Variants in PRDM16 observed in about 807,000 individuals in gnomAD.
PRDM16 encodes histone-lysine N-methyltransferase PRDM16.
PRDM16 carries 23 observed loss-of-function variants against 110.6 expected under a neutral mutation model. That is an observed-to-expected ratio of 0.21 (90% CI 0.15 to 0.29). The LOEUF (loss-of-function observed/expected upper bound fraction) is 0.29, where lower values mean the gene tolerates loss of function less well. PRDM16 is among the 10% of genes least tolerant of loss of function. PRDM16 has a pLI of 1.00. For missense variants in PRDM16, 1,615 were observed against 1,794.3 expected (o/e 0.90, Z 1.81); for synonymous variants, 799 against 781.8 (o/e 1.02, Z -0.37).
intron 1 of PRDM16, among the ~76,000 whole-genome samples, chr1:3,136,508 C>T (rs959485590): frequency 5.9e-5 from 9 of 152,174 alleles, no homozygotes; most frequent in African/African-American, 1.7e-4. Flanking sequence ...GGGGAGAAGC[C>T]GGTTTCTAGT....
At chr1:3,326,246 A>C (rs1422681814) in intron 3 of PRDM16, among the ~76,000 whole-genome samples, 1 of 151,828 alleles carries the variant, frequency 6.6e-6, no homozygotes, top group Non-Finnish European at 1.5e-5. Context: ...CATCACCTCC[A>C]TCCCCGCCTC....
intron 9 of PRDM16, among the ~76,000 whole-genome samples, chr1:3,413,545 C>G (rs1301867988): frequency 6.6e-6 from 1 of 151,970 alleles, no homozygotes; most frequent in Non-Finnish European, 1.5e-5. Flanking sequence ...GTCCTACCCC[C>G]ACCAGCACCT....
intron 3 of PRDM16, among the ~76,000 whole-genome samples, chr1:3,269,189 G>T (rs1443775988): frequency 2.0e-5 from 3 of 152,260 alleles, no homozygotes; most frequent in African/African-American, 7.2e-5. Context: ...TCAGTCCCAA[G>T]GAGCAGGCAG....
chr1:3,335,757 G>A (rs1411618875), intron 3 of PRDM16, among the ~76,000 whole-genome samples: 2 of 152,170 alleles, frequency 1.3e-5, no homozygotes, highest in Non-Finnish European at 2.9e-5. Context: ...GGCCTGGCAG[G>A]GGCAAGGAGG....
At chr1:3,284,657 A>G (rs1640806378) in intron 3 of PRDM16, among the ~76,000 whole-genome samples, 2 of 152,222 alleles carry the variant, frequency 1.3e-5, no homozygotes, top group Non-Finnish European at 2.9e-5. Context: ...GATCATCTTC[A>G]GATAGACTCT....
At chr1:3,289,027 G>T (rs1371158874) in intron 3 of PRDM16, among the ~76,000 whole-genome samples, 1 of 152,202 alleles carries the variant, frequency 6.6e-6, no homozygotes, top group Non-Finnish European at 1.5e-5. Flanking sequence ...AACTTGGCTG[G>T]CTGCCCATGA....
At chr1:3,268,749 T>C (rs895386442) in intron 3 of PRDM16, among the ~76,000 whole-genome samples, 12 of 152,288 alleles carry the variant, frequency 7.9e-5, no homozygotes, top group Admixed American at 3.3e-4. Context: ...TCAGAGTCCA[T>C]TGGGGTCACT....
At chr1:3,422,751 C>A (rs1638474835) in intron 12 of PRDM16, among the ~76,000 whole-genome samples, 1 of 152,242 alleles carries the variant, frequency 6.6e-6, no homozygotes, top group African/African-American at 2.4e-5. Context: ...CGGCCTTATT[C>A]TTGTGTGAGT....
chr1:3,181,055 C>A (rs1329785428), intron 1 of PRDM16, among the ~76,000 whole-genome samples: 1 of 136,146 alleles, frequency 7.3e-6, no homozygotes, highest in Non-Finnish European at 1.6e-5. Flanking sequence ...CGCAGTCTTA[C>A]ACGCGGTCTT....
intron 8 of PRDM16, among the ~76,000 whole-genome samples, chr1:3,408,644 G>T (rs1643604118): frequency 6.6e-6 from 1 of 150,852 alleles, no homozygotes; most frequent in South Asian, 2.1e-4. Context: ...GTGAGCTGGT[G>T]CCTGTGTTGG....
At chr1:3,424,412 G>C (rs763478477) in intron 12 of PRDM16, among the ~76,000 whole-genome samples, 5 of 152,214 alleles carry the variant, frequency 3.3e-5, no homozygotes, top group African/African-American at 4.8e-5. Context: ...CTCCTCGATC[G>C]CTCATTATGA....
intron 1 of PRDM16, among the ~76,000 whole-genome samples, chr1:3,109,174 G>C (rs565174608): frequency 7.2e-5 from 11 of 152,152 alleles, no homozygotes; most frequent in African/African-American, 2.7e-4. Context: ...ACCCTAAAAA[G>C]GCTGGGGTGT....
intron 2 of PRDM16, among the ~76,000 whole-genome samples, chr1:3,233,213 C>T (rs536673140): frequency 9.9e-5 from 15 of 152,192 alleles, no homozygotes; most frequent in South Asian, 6.2e-4. Context: ...TGGGGGTGGC[C>T]GGTGGCCGCG....
At chr1:3,340,162 A>G (rs1188296999) in intron 3 of PRDM16, among the ~76,000 whole-genome samples, 3 of 152,088 alleles carry the variant, frequency 2.0e-5, no homozygotes, top group Non-Finnish European at 2.9e-5. Flanking sequence ...GGGGGCTTCC[A>G]GGTCTGGGTC....
chr1:3,095,463 C>G (rs938643909), intron 1 of PRDM16, among the ~76,000 whole-genome samples: 1 of 152,162 alleles, frequency 6.6e-6, no homozygotes, highest in Non-Finnish European at 1.5e-5. Flanking sequence ...GCAGAAAACC[C>G]ATAGGACCTG....
chr1:3,276,021 T>A (rs1640575154), intron 3 of PRDM16, among the ~76,000 whole-genome samples: 1 of 152,170 alleles, frequency 6.6e-6, no homozygotes, highest in Non-Finnish European at 1.5e-5. Flanking sequence ...ACGCCGTGGG[T>A]GCCATTTCCG....
intron 3 of PRDM16, among the ~76,000 whole-genome samples, chr1:3,361,975 G>A (rs1642722051): frequency 6.6e-6 from 1 of 151,990 alleles, no homozygotes; most frequent in Non-Finnish European, 1.5e-5. Context: ...CGTGGCCCAG[G>A]AGGGCAGGTG....
At chr1:3,332,449 C>T (rs1272246676) in intron 3 of PRDM16, among the ~76,000 whole-genome samples, 36 of 151,712 alleles carry the variant, frequency 2.4e-4, no homozygotes, top group African/African-American at 5.6e-4. Context: ...GGTGGGGGGG[C>T]GTGGCCTGGC....
chr1:3,247,435 AG>A (rs1293152100), intron 3 of PRDM16, among the ~76,000 whole-genome samples: 5 of 152,138 alleles, frequency 3.3e-5, no homozygotes, highest in African/African-American at 4.8e-5. Flanking sequence ...GGTTGTATGG[AG>A]GCCTGGGATT....
Sources: gnomAD v4.1 joint callset for allele counts (sites outside exome capture counted in the v4.1 genomes callset) on GRCh38, gnomAD v4.1.1 for gene constraint, MANE v1.5 for transcripts, NCBI Gene and HGNC (gene_info 2026-07-23, HGNC 2026-07-21) for gene names.